ANKRD28: variants seen among roughly 807,000 people sequenced by gnomAD.
The protein encoded by ANKRD28 is ankyrin repeat domain 28.
ANKRD28 carries 44 observed loss-of-function variants against 126.5 expected under a neutral mutation model. The ratio of observed to expected loss-of-function variants is 0.35; its 90% CI spans 0.27 to 0.45. The LOEUF is 0.45. Ranked by LOEUF, ANKRD28 falls within the 20% of genes least tolerant of loss-of-function variation. ANKRD28 has a pLI of 1.00. For synonymous variants in ANKRD28, 442 were observed against 468.5 expected, an observed-to-expected ratio of 0.94 and a Z score of 0.73; for missense variants, 1,110 against 1,316.6, an observed-to-expected ratio of 0.84 and a Z score of 2.43.
At chr3:15,808,992 C>T (rs1171218681) in intron 1 of ANKRD28, among the ~76,000 whole-genome samples, 2 of 152,066 alleles carry the variant, frequency 1.3e-5, no homozygotes, top group East Asian at 1.9e-4. Flanking sequence ...CACACACCCC[C>T]CTTTTTTTTT....
At chr3:15,703,431 G>A (rs1479831670) in intron 14 of ANKRD28, among the ~76,000 whole-genome samples, 2 of 152,184 alleles carry the variant, frequency 1.3e-5, no homozygotes, top group Non-Finnish European at 2.9e-5. Flanking sequence ...GAGGTGATTA[G>A]GTCAAGAGGG....
At chr3:15,714,513 A>C in intron 9 of ANKRD28, 65 bp downstream of exon 9, 1 of 1,132,444 alleles carries the variant, frequency 8.8e-7, no homozygotes, top group Non-Finnish European at 1.2e-6. Flanking sequence ...CATTTGGTGG[A>C]TGTTTTTACT....
intron 4 of ANKRD28, among the ~76,000 whole-genome samples, chr3:15,742,978 T>C (rs972769567): frequency 4.0e-5 from 6 of 151,870 alleles, no homozygotes; most frequent in African/African-American, 1.2e-4. Flanking sequence ...ATGGTTGCCA[T>C]GTCTGTGTAG....
chr3:15,719,377 G>C (rs1260453173), intron 8 of ANKRD28, among the ~76,000 whole-genome samples: 1 of 152,022 alleles, frequency 6.6e-6, no homozygotes, highest in Non-Finnish European at 1.5e-5. Context: ...TTTTGTGTCT[G>C]GTTTTCTTCA....
intron 14 of ANKRD28, 45 bp downstream of exon 14, chr3:15,707,879 T>C (rs2071671110): frequency 1.3e-6 from 2 of 1,575,726 alleles, no homozygotes; most frequent in Non-Finnish European, 1.7e-6. Context: ...AAGATGCCAG[T>C]TTATAGAAAT....
At chr3:15,785,147 C>T (rs1183302498) in intron 2 of ANKRD28, among the ~76,000 whole-genome samples, 1 of 152,020 alleles carries the variant, frequency 6.6e-6, no homozygotes, top group African/African-American at 2.4e-5. Context: ...ATAGAAAATC[C>T]AGATGATCTT....
At chr3:15,821,098 C>G (rs570220626) in intron 1 of ANKRD28, among the ~76,000 whole-genome samples, 1 of 152,132 alleles carries the variant, frequency 6.6e-6, no homozygotes, top group Non-Finnish European at 1.5e-5. Flanking sequence ...CCACTAGATG[C>G]CAGTAGCATA....
At chr3:15,803,387 C>T (rs1055652684) in intron 1 of ANKRD28, among the ~76,000 whole-genome samples, 10 of 151,848 alleles carry the variant, frequency 6.6e-5, no homozygotes, top group East Asian at 1.9e-4. Flanking sequence ...GGGAGACCAA[C>T]GTGGGCGGAT....
intron 4 of ANKRD28, among the ~76,000 whole-genome samples, chr3:15,739,098 A>C (rs546019002): frequency 6.6e-6 from 1 of 152,148 alleles, no homozygotes; most frequent in Admixed American, 6.5e-5. Flanking sequence ...TCTTTTTTTA[A>C]GGTGCCCGGA....
chr3:15,708,141 C>T lies in ANKRD28; in HGVS notation c.1407-77G>A, dbSNP rs1228356562. On this transcript the variant is annotated intron_variant, in intron 13 of 27. Coordinates refer to ENST00000683139, the MANE Select transcript of ANKRD28 (RefSeq NM_001349278.2). Reference sequence around the variant, plus strand: ...TAAACAAAAGCATAGTTGACTCTTACTCCTCCCAGTTACAAATACTTTATT... The same window carrying T: ...TAAACAAAAGCATAGTTGACTCTTATTCCTCCCAGTTACAAATACTTTATT... The T allele has an allele frequency of 2.1e-6, 3 of 1,463,232 alleles. No individual in the cohort carries two copies. In the African/African-American group the frequency reaches 4.2e-5, roughly 21 times the overall value. 90.6% of individuals were successfully genotyped at this position (1,463,232 alleles called of 1,614,324 possible).
intron 1 of ANKRD28, among the ~76,000 whole-genome samples, chr3:15,831,153 T>A (rs1348895288): frequency 2.0e-5 from 3 of 152,206 alleles, no homozygotes; most frequent in Non-Finnish European, 4.4e-5. Context: ...ACTGCTTTGC[T>A]GAGTTCTGTG....
chr3:15,705,220 T>C (rs570912989), intron 14 of ANKRD28, among the ~76,000 whole-genome samples: 7 of 152,300 alleles, frequency 4.6e-5, no homozygotes, highest in African/African-American at 1.7e-4. Flanking sequence ...GTAAGAAAAC[T>C]AGTGATTTTA....
rs777137741 is a variant in ANKRD28, at chr3:15,678,347, G to A, written c.2569C>T (p.Leu857Phe). The A allele has an allele frequency of 6.2e-7, 1 of 1,601,228 alleles. No individual in the cohort carries two copies. The highest frequency in any genetic ancestry group is 1.1e-5 in the South Asian group (1 of 88,298). ...NATDSKGRTP[L>F]HAAAFTDHVE... ...TGGTCTGTGAAGGCGGCTGCATGGAGAGGAGTTCTGTGATAAAGAAAAATT... is the reference window on the plus strand; with the variant it reads ...TGGTCTGTGAAGGCGGCTGCATGGAAAGGAGTTCTGTGATAAAGAAAAATT... Residue 857 changes from leucine to phenylalanine, a missense_variant, in exon 24 of 28, where the codon CTC becomes TTC. Transcript: ENST00000683139.
rs909622120 is a variant in ANKRD28, at chr3:15,816,416, T to C, written c.28-21110A>G. On this transcript the variant is annotated intron_variant, in intron 1 of 27. Coordinates refer to the ANKRD28 transcript ENST00000399451. The surrounding 1 kb of genome is among the most constrained non-coding windows in gnomAD (Gnocchi z 5.0). ...ATTTCCTTTTCCCTGATTTGTAATATGGGGTTATTAAGACCAGCTTAAGTT... is the reference window on the plus strand; with the variant it reads ...ATTTCCTTTTCCCTGATTTGTAATACGGGGTTATTAAGACCAGCTTAAGTT... 1.3e-5 allele frequency among the ~76,000 whole-genome samples: 2 copies of C among 152,208 alleles called. No individual in the cohort carries two copies. Among genetic ancestry groups the C allele is most frequent in the African/African-American group, 4.8e-5 (2 of 41,462 alleles).
At chr3:15,748,961 T>A (rs1175480202) in intron 4 of ANKRD28, among the ~76,000 whole-genome samples, 1 of 152,132 alleles carries the variant, frequency 6.6e-6, no homozygotes, top group Non-Finnish European at 1.5e-5. Flanking sequence ...GCTAAAGTTC[T>A]TCTGTTTGTT....
chr3:15,756,447 A>G (rs2058161435), intron 3 of ANKRD28: 1 of 960,550 alleles, frequency 1.0e-6, no homozygotes, highest in African/African-American at 1.8e-5. Context: ...GAAATAAAAC[A>G]TAAATTCAAA....
chr3:15,849,013 T>A (rs1371000330), intron 1 of ANKRD28, among the ~76,000 whole-genome samples: 1 of 152,186 alleles, frequency 6.6e-6, no homozygotes, highest in African/African-American at 2.4e-5. Flanking sequence ...AAGCAATATA[T>A]AAAATCACTT....
At chr3:15,856,693 G>T (rs977745147) in intron 1 of ANKRD28, among the ~76,000 whole-genome samples, 11 of 152,212 alleles carry the variant, frequency 7.2e-5, no homozygotes, top group African/African-American at 2.4e-4. Flanking sequence ...CAAAATGAGA[G>T]AAAATTATCT....
chr3:15,673,392 CT>C (rs1376814620), intron 27 of ANKRD28, among the ~76,000 whole-genome samples: 1 of 152,202 alleles, frequency 6.6e-6, no homozygotes, highest in Non-Finnish European at 1.5e-5. Flanking sequence ...CAAATATTCA[CT>C]GAGCCTCCAC....
Sources: allele counts gnomAD v4.1 joint callset (sites outside exome capture counted in the v4.1 genomes callset), GRCh38; gene constraint gnomAD v4.1.1; non-coding constraint Gnocchi (gnomAD v3.1); transcripts MANE v1.5; gene names NCBI Gene and HGNC (gene_info 2026-07-23, HGNC 2026-07-21).